Variants in POTEC observed in about 807,000 individuals in gnomAD.
POTEC encodes the protein POTE ankyrin domain family member C, also known as ANKRD26-like family B member 2.
Under a neutral mutation model 62.0 loss-of-function variants are expected in POTEC, and 35 were observed. The ratio of observed to expected loss-of-function variants is 0.56; its 90% CI spans 0.43 to 0.75. The LOEUF is 0.75. Among genes scored for constraint, POTEC ranks in the 30% least tolerant of loss-of-function variants. The pLI is 0.00. For synonymous variants in POTEC, 156 were observed against 221.5 expected (o/e 0.70, Z 2.62); for missense variants, 472 against 655.9 (o/e 0.72, Z 3.06).
Position 14,522,432 on chromosome 18 carries a change from G to C in POTEC, c.1243-12C>G, listed in dbSNP as rs1008053182. The stretch of plus-strand genomic sequence containing the variant: ...ATTTCTTCTTCAACCTTGAGTGGAA[G>C]TTTGATATTAAGGATGGTTATCACT... On this transcript the variant is annotated splice_polypyrimidine_tract_variant and intron_variant, in intron 8 of 10. Transcript: ENST00000358970. 1 of 1,439,588 alleles carries C rather than the reference G, an allele frequency of 6.9e-7. No individual in the cohort carries two copies. The highest frequency in any genetic ancestry group is 1.4e-5 in the African/African-American group (1 of 69,526). The allele number at this position is 1,439,588 out of a possible 1,614,324, so 89.2% of individuals were successfully genotyped here.
At chr18:14,517,562 T>A (rs1910197954) in intron 9 of POTEC, among the ~76,000 whole-genome samples, 3 of 91,924 alleles carry the variant, frequency 3.3e-5, no homozygotes. Flanking sequence ...TTTTTTTTTT[T>A]TAAAATAAAA....
rs1910010575 is a variant in POTEC, at chr18:14,511,656, AATGAC to A, written c.*237_*241del. The A allele has an allele frequency of 1.7e-6, 1 of 582,516 alleles. No homozygotes were observed. Among genetic ancestry groups the A allele is most frequent in the Non-Finnish European group, 3.1e-6 (1 of 327,202 alleles). 36.1% of individuals were successfully genotyped at this position (582,516 alleles called of 1,614,324 possible). A position where few individuals can be genotyped will look rare whatever the true frequency, so the allele number is the denominator to read the frequency against. On this transcript the variant is annotated 3_prime_UTR_variant, in exon 11 of 11. Coordinates refer to ENST00000358970, the MANE Select transcript of POTEC (RefSeq NM_001137671.2). The stretch of plus-strand genomic sequence containing the variant: ...TCATGTAGAGCAGTAGTCAGTCTAC[AATGAC>A]ATGATTGAATTTCCATTTCCAGTGT...
intron 1 of POTEC, among the ~76,000 whole-genome samples, chr18:14,538,658 A>T (rs966951629): frequency 9.2e-5 from 14 of 151,996 alleles, no homozygotes; most frequent in African/African-American, 3.1e-4. Context: ...ACAGCTCAAA[A>T]ATTGTAAGAT....
At chr18:14,521,544 G>A (rs902621724) in intron 9 of POTEC, among the ~76,000 whole-genome samples, 12 of 152,052 alleles carry the variant, frequency 7.9e-5, no homozygotes, top group African/African-American at 2.7e-4. Flanking sequence ...TTACACATAA[G>A]TATATATGTG....
At chr18:14,528,392 T>C (rs1452695965) in intron 6 of POTEC, among the ~76,000 whole-genome samples, 3 of 152,184 alleles carry the variant, frequency 2.0e-5, no homozygotes, top group Non-Finnish European at 4.4e-5. Flanking sequence ...GAGAAATGTT[T>C]ATTCTAAGTT....
intron 5 of POTEC, among the ~76,000 whole-genome samples, 152 bp from the exon 6 acceptor site, chr18:14,530,705 AC>A (rs1905482250): frequency 6.6e-6 from 1 of 152,142 alleles, no homozygotes; most frequent in African/African-American, 2.4e-5. Context: ...CATTCTACAA[AC>A]TTTTCTTTAA....
At chr18:14,533,480 G>A (rs1905598822) in intron 4 of POTEC, among the ~76,000 whole-genome samples, 1 of 152,020 alleles carries the variant, frequency 6.6e-6, no homozygotes, top group Non-Finnish European at 1.5e-5. Context: ...AACAATGCTA[G>A]GGCCACTTAT....
At chr18:14,526,431 T>C (rs936194831) in intron 6 of POTEC, among the ~76,000 whole-genome samples, 10 of 152,142 alleles carry the variant, frequency 6.6e-5, no homozygotes, top group Non-Finnish European at 1.3e-4. Context: ...TTTATTTTAC[T>C]CAGAAATTTC....
At position 14,515,526 on chromosome 18, in the gene POTEC, A is replaced by G. The variant is rs926862021; in HGVS notation, c.1410-1741T>C. Among the ~76,000 whole-genome samples the G allele has an allele frequency of 4.6e-5, 7 of 152,158 alleles. No individual in the cohort carries two copies. The South Asian group carries it at 1.2e-3, about 27-fold the overall frequency. On this transcript the variant is annotated intron_variant, in intron 9 of 10. Coordinates refer to ENST00000358970, the MANE Select transcript of POTEC (RefSeq NM_001137671.2). ...GAATAAAATTGGATCTCTACCTCTC[A>G]CCATGTAAAAAAATTAATTCAAGAT...
At chr18:14,523,341 T>G in intron 8 of POTEC, 122 bp downstream of exon 8, 1 of 1,216,662 alleles carries the variant, frequency 8.2e-7, no homozygotes, top group Non-Finnish European at 1.1e-6. Context: ...ATATTAAATT[T>G]TTCACTGGTG....
At chr18:14,518,431 T>A (rs946636969) in intron 9 of POTEC, among the ~76,000 whole-genome samples, 4 of 152,028 alleles carry the variant, frequency 2.6e-5, no homozygotes, top group African/African-American at 9.7e-5. Context: ...AACCTTTTAT[T>A]TGTATATAAA....
chr18:14,510,847 A>G lies in POTEC; in HGVS notation c.*1051T>C, dbSNP rs907993925. 7 of 152,246 alleles carry G rather than the reference A, an allele frequency of 4.6e-5. No individual in the cohort carries two copies. Among genetic ancestry groups the G allele is most frequent in the African/African-American group, 1.7e-4 (7 of 41,524 alleles). The allele number at this position is 152,246 out of a possible 1,614,324, so 9.4% of individuals were successfully genotyped here. ...AGACACTCTGAAACTCTAAGACTGA[A>G]CTGGCTGAGTCATCCAAACAGCAAA... is the stretch of plus-strand genomic sequence containing the variant. On this transcript the variant is annotated 3_prime_UTR_variant, in exon 11 of 11. Transcript: ENST00000358970.
chr18:14,539,783 A>G (rs1374213221), intron 1 of POTEC, among the ~76,000 whole-genome samples: 2 of 152,162 alleles, frequency 1.3e-5, no homozygotes, highest in East Asian at 3.9e-4. Flanking sequence ...AGCAGGGAGG[A>G]AAAGCTTCAA....
intron 6 of POTEC, among the ~76,000 whole-genome samples, chr18:14,528,450 G>T (rs568091915): frequency 6.6e-6 from 1 of 152,264 alleles, no homozygotes; most frequent in South Asian, 2.1e-4. Context: ...TGAGCATGTG[G>T]TGTGACCCAG....
rs576598419 is a variant in POTEC at position 14,542,937 on chromosome 18, G to C, written c.210C>G (p.Pro70=). The change falls in exon 1 of 11, where the codon CCC becomes CCG. Residue 70 remains proline (P), a synonymous_variant. Coordinates refer to ENST00000358970, the MANE Select transcript of POTEC (RefSeq NM_001137671.2). Reference sequence around the variant, plus strand: ...TGCTCGTGCCGCTCCCCCTGCAGCAGGGGAAGCAGTGGTGGCAACACTTGC... The same window carrying C: ...TGCTCGTGCCGCTCCCCCTGCAGCACGGGAAGCAGTGGTGGCAACACTTGC... The part of the protein sequence containing the change: ...KMGKCCHHCF[P]CCRGSGTSNV... 4.5e-6 allele frequency: 7 copies of C among 1,554,684 alleles called. No homozygotes were observed. In the African/African-American group the frequency reaches 8.3e-5, roughly 18 times the overall value.
At chr18:14,530,306 T>C (rs1374378860) in intron 6 of POTEC, among the ~76,000 whole-genome samples, 177 bp downstream of exon 6, 2 of 152,072 alleles carry the variant, frequency 1.3e-5, no homozygotes, top group African/African-American at 2.4e-5. Context: ...TTTCATTATA[T>C]ATTATGATGT....
At chr18:14,537,219 A>AC (rs1905767680) in intron 3 of POTEC, among the ~76,000 whole-genome samples, 5 of 135,666 alleles carry the variant, frequency 3.7e-5, no homozygotes, top group South Asian at 2.6e-4. Flanking sequence ...ACAAAAAAAA[A>AC]AAAAAACAAA....
Position 14,538,221 on chromosome 18 carries a change from C to T in POTEC, c.550G>A (p.Gly184Arg). 1.2e-6 allele frequency: 2 copies of T among 1,609,788 alleles called. No homozygotes were observed. Among genetic ancestry groups the T allele is most frequent in the Non-Finnish European group, 1.7e-6 (2 of 1,178,948 alleles). ...AGGAGTTGTACTACTTCTGAATTTC[C>T]ATTGGCAGAGGCCAAATGTAGAGCA... ...RTALHLASAN[G>R]NSEVVQLLLD... The change falls in exon 2 of 11, where the codon GGA (glycine) becomes AGA (arginine). Residue 184 changes from glycine to arginine, a missense_variant. Physicochemically the swap from Gly to Arg is moderately radical, Grantham distance 125. This residue lies in a region of POTEC where 257 missense variants were observed against 250.7 expected (regional missense o/e 1.03). Coordinates refer to ENST00000358970, the MANE Select transcript of POTEC (RefSeq NM_001137671.2).
At chr18:14,539,193 A>G (rs1905849195) in intron 1 of POTEC, among the ~76,000 whole-genome samples, 1 of 151,814 alleles carries the variant, frequency 6.6e-6, no homozygotes. Context: ...AGATATTTCT[A>G]ATCATTCATA....
Sources: gnomAD v4.1 joint callset for allele counts (sites outside exome capture counted in the v4.1 genomes callset) on GRCh38, gnomAD v4.1.1 for gene constraint, gnomAD v4.1.1 regional missense constraint, MANE v1.5 for transcripts, NCBI Gene and HGNC (gene_info 2026-07-23, HGNC 2026-07-21) for gene names.